The following NTNG2 variants were observed in gnomAD, a reference collection of about 807,000 sequenced individuals.
NTNG2 encodes netrin G2.
Under a neutral mutation model 47.6 loss-of-function variants are expected in NTNG2, and 15 were observed. The observed-to-expected ratio is 0.32, with a 90% confidence interval of 0.21 to 0.49. NTNG2 has a LOEUF of 0.49. Among genes scored for constraint, NTNG2 ranks in the 20% least tolerant of loss-of-function variants. The pLI is 0.99. For synonymous variants in NTNG2, 307 were observed against 324.6 expected (o/e 0.95, Z 0.58); for missense variants, 578 against 764.6 (o/e 0.76, Z 2.88).
At chr9:132,193,194 C>T (rs952943611) in intron 2 of NTNG2, among the ~76,000 whole-genome samples, 1 of 152,252 alleles carries the variant, frequency 6.6e-6, no homozygotes, top group Middle Eastern at 3.4e-3. Flanking sequence ...TTGGGGATGA[C>T]GGGAATACTA....
At chr9:132,189,300 C>G (rs1416427869) in intron 2 of NTNG2, among the ~76,000 whole-genome samples, 1 of 151,522 alleles carries the variant, frequency 6.6e-6, no homozygotes, top group Admixed American at 6.6e-5. Flanking sequence ...CCCTGTGTTG[C>G]CTGGCCTCAT....
In NTNG2 at chr9:132,218,381, G is replaced by C. The variant is rs187656585; in HGVS notation, c.858-8468G>C. On this transcript the variant is annotated intron_variant, in intron 3 of 7. Coordinates refer to ENST00000393229, the MANE Select transcript of NTNG2 (RefSeq NM_032536.4). This position sits in a 1 kb window ranked among gnomAD's most constrained non-coding sequence, Gnocchi z 5.4. The stretch of plus-strand genomic sequence containing the variant: ...CTGTGAAGGGCTAATGTTCTAATTC[G>C]GGTGGCACTCTCAGAACAGTTCCTC... 6.6e-6 allele frequency among the ~76,000 whole-genome samples: 1 copy of C among 152,336 alleles called. No individual in the cohort carries two copies. Among genetic ancestry groups the C allele is most frequent in the East Asian group, 1.9e-4 (1 of 5,194 alleles).
Position 132,198,615 on chromosome 9 carries a change from G to A in NTNG2, c.857+6G>A, listed in dbSNP as rs1378751907. On this transcript the variant is annotated splice_donor_region_variant and intron_variant, in intron 3 of 7. Transcript: ENST00000393229. The stretch of plus-strand genomic sequence containing the variant: ...AACATCGAGGTCATCGGCAGGTAAG[G>A]CCGGGGGAAGCCCTGGATGTCACCT... The A allele has an allele frequency of 5.0e-6, 8 of 1,602,032 alleles. No individual in the cohort carries two copies. Among genetic ancestry groups the A allele is most frequent in the Non-Finnish European group, 6.8e-6 (8 of 1,171,886 alleles).
Position 132,242,014 on chromosome 9 carries a change from G to A in NTNG2, c.1496G>A (p.Gly499Asp). The A allele has an allele frequency of 2.1e-6, 3 of 1,429,898 alleles. No individual in the cohort carries two copies. The highest frequency in any genetic ancestry group is 2.7e-6 in the Non-Finnish European group (3 of 1,096,298). The allele number at this position is 1,429,898 out of a possible 1,614,324, so 88.6% of individuals were successfully genotyped here. A position where few individuals can be genotyped will look rare whatever the true frequency, so the allele number is the denominator to read the frequency against. ...TGCGACCCCGCCGACGATGACGGCG[G>A]TCTGGACTGCGACCGCGCGCCCGGG... is the stretch of plus-strand genomic sequence containing the variant. ...PRCDPADDDG[G>D]LDCDRAPGAA... is the part of the protein sequence containing the mutation. Residue 499 changes from glycine to aspartate, a missense_variant, in exon 8 of 8, where the codon GGT (glycine) becomes GAT (aspartate). Transcript: ENST00000393229. This position sits in a 1 kb window ranked among gnomAD's most constrained non-coding sequence, Gnocchi z 5.9.
At chr9:132,203,062 A>T (rs1045998761) in intron 3 of NTNG2, among the ~76,000 whole-genome samples, 2 of 152,202 alleles carry the variant, frequency 1.3e-5, no homozygotes, top group African/African-American at 4.8e-5. Context: ...GCTTGGGGTC[A>T]GGGCTGCCTA....
intron 6 of NTNG2, among the ~76,000 whole-genome samples, 185 bp downstream of exon 6, chr9:132,239,456 G>A (rs1260428223): frequency 1.3e-5 from 2 of 152,238 alleles, no homozygotes; most frequent in Admixed American, 1.3e-4. Flanking sequence ...TGCTCTATTA[G>A]TAACCTACCC....
rs1835173517 is a variant in NTNG2, at chr9:132,162,816, G to C, written c.-484+577G>C. 6.6e-6 allele frequency among the ~76,000 whole-genome samples: 1 copy of C among 151,854 alleles called. No individual in the cohort carries two copies. The highest frequency in any genetic ancestry group is 1.5e-5 in the Non-Finnish European group (1 of 67,946). ...GCCAGTCCGGCTGGAAACTTCTCCC[G>C]GCGCCGGGAGGGGGTCGGGAGGTGA... On this transcript the variant is annotated intron_variant, in intron 1 of 7. Transcript: ENST00000393229. This position sits in a 1 kb window ranked among gnomAD's most constrained non-coding sequence, Gnocchi z 4.6.
chr9:132,167,108 T>C (rs1437394258), intron 2 of NTNG2, 64 bp downstream of exon 2: 58 of 1,560,230 alleles, frequency 3.7e-5, no homozygotes, highest in Non-Finnish European at 1.6e-5. Context: ...GAGGAGATCC[T>C]TGGGGTGGAC....
upstream of NTNG2, chr9:132,161,696 G>C (rs1036358705): frequency 3.9e-5 from 6 of 152,180 alleles, no homozygotes. The surrounding 1 kb of genome is among the most constrained non-coding windows in gnomAD (Gnocchi z 7.2). Flanking sequence ...ATCAGACCGA[G>C]AGATAAAAGC....
At chr9:132,214,922 AGG>A in intron 3 of NTNG2, among the ~76,000 whole-genome samples, 1 of 152,020 alleles carries the variant, frequency 6.6e-6, no homozygotes, top group East Asian at 1.9e-4. Context: ...CCCAGGCTGA[AGG>A]GCAGTGCAGT....
chr9:132,166,768 C>A lies in NTNG2; in HGVS notation c.-64C>A. 1 of 1,529,500 alleles carries A rather than the reference C, an allele frequency of 6.5e-7. No individual in the cohort carries two copies. Among genetic ancestry groups the A allele is most frequent in the African/African-American group, 1.4e-5 (1 of 73,460 alleles). 94.7% of individuals were successfully genotyped at this position (1,529,500 alleles called of 1,614,324 possible). A position where few individuals can be genotyped will look rare whatever the true frequency, so the allele number is the denominator to read the frequency against. Reference sequence around the variant, plus strand: ...ATTTCCATGCTGAGGCCGCGAGTCCCGCCTGACCCCGTCGCTGCCTCTCCA... The same window carrying A: ...ATTTCCATGCTGAGGCCGCGAGTCCAGCCTGACCCCGTCGCTGCCTCTCCA... On this transcript the variant is annotated 5_prime_UTR_variant, in exon 2 of 8. Coordinates refer to ENST00000393229, the MANE Select transcript of NTNG2 (RefSeq NM_032536.4).
At chr9:132,217,848 G>C (rs569813308) in intron 3 of NTNG2, among the ~76,000 whole-genome samples, 1 of 152,194 alleles carries the variant, frequency 6.6e-6, no homozygotes, top group African/African-American at 2.4e-5. Context: ...GGGCCCAGGG[G>C]ATGGGGTTAC....
intron 2 of NTNG2, among the ~76,000 whole-genome samples, chr9:132,195,348 G>A (rs1011557816): frequency 7.2e-5 from 11 of 151,972 alleles, no homozygotes; most frequent in South Asian, 2.1e-4. Context: ...TCGCTCTGTC[G>A]CCCAGGCTGG....
chr9:132,214,756 C>A (rs1423277687), intron 3 of NTNG2, among the ~76,000 whole-genome samples: 10 of 152,088 alleles, frequency 6.6e-5, no homozygotes, highest in African/African-American at 2.4e-4. Flanking sequence ...CCCAGTTAAA[C>A]CTGAATTTCA....
chr9:132,239,349 G>A, intron 6 of NTNG2, 78 bp downstream of exon 6: 1 of 1,479,574 alleles, frequency 6.8e-7, no homozygotes, highest in African/African-American at 1.4e-5. Flanking sequence ...TGGCCTCTGG[G>A]GCCCCCTGCA....
intron 3 of NTNG2, among the ~76,000 whole-genome samples, chr9:132,211,482 C>T (rs1165594297): frequency 6.6e-6 from 1 of 152,182 alleles, no homozygotes; most frequent in East Asian, 1.9e-4. Context: ...CAAGTCTGTG[C>T]TCTGTGACCA....
chr9:132,232,171 C>G (rs947715751), intron 5 of NTNG2: 3 of 152,468 alleles, frequency 2.0e-5, no homozygotes, highest in African/African-American at 7.2e-5. Flanking sequence ...GCCTTATCTC[C>G]CAATGGTGCT....
chr9:132,222,144 C>A (rs937945531), intron 3 of NTNG2, among the ~76,000 whole-genome samples: 2 of 152,308 alleles, frequency 1.3e-5, no homozygotes, highest in African/African-American at 4.8e-5. Context: ...CTTGTCAGAG[C>A]CTTTAATCTG....
At position 132,166,796 on chromosome 9, in the gene NTNG2, G is replaced by A. The variant is rs1004927893; in HGVS notation, c.-36G>A. 6.2e-7 allele frequency: 1 copy of A among 1,604,646 alleles called. No homozygotes were observed. The highest frequency in any genetic ancestry group is 1.3e-5 in the African/African-American group (1 of 74,756). ...CTGACCCCGTCGCTGCCTCTCCAGG[G>A]CTTCTCTGGGCCGCGCCTCTGCAGA... On this transcript the variant is annotated 5_prime_UTR_variant, in exon 2 of 8. Transcript: ENST00000393229.
Sources: allele counts gnomAD v4.1 joint callset (sites outside exome capture counted in the v4.1 genomes callset), GRCh38; gene constraint gnomAD v4.1.1; non-coding constraint Gnocchi (gnomAD v3.1); transcripts MANE v1.5; gene names NCBI Gene and HGNC (gene_info 2026-07-23, HGNC 2026-07-21).